The following XKR4 variants were observed in gnomAD, a reference collection of about 807,000 sequenced individuals.
XKR4 encodes XK-related protein 4.
A neutral mutation model predicts 53.9 loss-of-function variants in XKR4; 12 were observed. The observed-to-expected ratio is 0.22, with a 90% CI of 0.14 to 0.36. XKR4 has a LOEUF of 0.36. Among genes scored for constraint, XKR4 ranks in the 10% least tolerant of loss-of-function variants. The probability of loss-of-function intolerance (pLI) is 1.00; values close to 1 mark genes in which losing one functional copy is unlikely to be tolerated. For missense variants in XKR4, 799 were observed against 859.5 expected (o/e 0.93, Z 0.88); for synonymous variants, 354 against 362.4 (o/e 0.98, Z 0.26).
chr8:55,128,015 A>G (rs1383117955), intron 1 of XKR4, among the ~76,000 whole-genome samples: 1 of 152,040 alleles, frequency 6.6e-6, no homozygotes, highest in African/African-American at 2.4e-5. Flanking sequence ...AGTCTTTGCT[A>G]TTGTGAATAG....
chr8:55,482,153 C>A (rs1453754503), intron 2 of XKR4, among the ~76,000 whole-genome samples: 1 of 152,070 alleles, frequency 6.6e-6, no homozygotes. Flanking sequence ...ACCCAAATGT[C>A]CAACAATGAT....
At chr8:55,297,319 T>C (rs1292482808) in intron 1 of XKR4, among the ~76,000 whole-genome samples, 1 of 152,218 alleles carries the variant, frequency 6.6e-6, no homozygotes, top group African/African-American at 2.4e-5. Context: ...GAGGTTAAAT[T>C]TGGCGATCAA....
intron 2 of XKR4, among the ~76,000 whole-genome samples, chr8:55,471,791 C>A (rs549495416): frequency 1.3e-5 from 2 of 152,078 alleles, no homozygotes; most frequent in East Asian, 3.9e-4. Flanking sequence ...TCCCCACCCC[C>A]TCTTGCTCCT....
chr8:55,183,118 G>T (rs1241097210), intron 1 of XKR4, among the ~76,000 whole-genome samples: 1 of 151,862 alleles, frequency 6.6e-6, no homozygotes, highest in East Asian at 1.9e-4. Flanking sequence ...TTATCCCCAA[G>T]ATTAGTAATT....
At chr8:55,377,741 C>T (rs1471785110) in intron 2 of XKR4, among the ~76,000 whole-genome samples, 2 of 152,192 alleles carry the variant, frequency 1.3e-5, no homozygotes, top group Non-Finnish European at 2.9e-5. Flanking sequence ...GATGTTCCCT[C>T]CCTTGCTACT....
chr8:55,357,763 G>A lies in XKR4; in HGVS notation c.892G>A (p.Glu298Lys), dbSNP rs1803840803. 6.2e-7 allele frequency: 1 copy of A among 1,614,208 alleles called. No individual in the cohort carries two copies. ...GAGGTTTTACTGGAAAATGGTATATGAGTATGCGGATGTGAGTATGCTGCA... is the reference window on the plus strand; with the variant it reads ...GAGGTTTTACTGGAAAATGGTATATAAGTATGCGGATGTGAGTATGCTGCA... ...RWRFYWKMVYEYADVSMLHLL... is the reference protein window; with the variant it reads ...RWRFYWKMVYKYADVSMLHLL... The change falls in exon 2 of 3, where the codon GAG (glutamate) becomes AAG (lysine). Residue 298 changes from glutamate to lysine, a missense_variant. By Grantham distance (56) the Glu-to-Lys change is moderately conservative. Around this residue, in one of 3 missense-constraint regions of XKR4, gnomAD observed 476 missense variants for 505.4 expected, o/e 0.94. Transcript: ENST00000327381.
chr8:55,277,439 T>G (rs1341773492), intron 1 of XKR4, among the ~76,000 whole-genome samples: 1 of 152,348 alleles, frequency 6.6e-6, no homozygotes. Flanking sequence ...TTTCAGATTT[T>G]GGGATATTTC....
intron 1 of XKR4, among the ~76,000 whole-genome samples, chr8:55,271,086 TC>T (rs1300375706): frequency 6.6e-6 from 1 of 151,834 alleles, no homozygotes; most frequent in African/African-American, 2.4e-5. Flanking sequence ...CCTCCAGACT[TC>T]CCCTTTTTTT....
chr8:55,398,844 C>T (rs1804559867), intron 2 of XKR4, among the ~76,000 whole-genome samples: 1 of 152,138 alleles, frequency 6.6e-6, no homozygotes, highest in Admixed American at 6.5e-5. Context: ...TGACCGTTTC[C>T]CTGGAGAGTT....
intron 1 of XKR4, among the ~76,000 whole-genome samples, chr8:55,103,877 A>C: frequency 7.2e-6 from 1 of 138,576 alleles, no homozygotes; most frequent in Non-Finnish European, 1.5e-5. Context: ...ATATATATAT[A>C]TATATATATA....
chr8:55,296,893 A>T (rs553679480), intron 1 of XKR4, among the ~76,000 whole-genome samples: 6 of 152,216 alleles, frequency 3.9e-5, no homozygotes, highest in Admixed American at 3.9e-4. Context: ...TATATTATAC[A>T]AGAAAGAATA....
intron 2 of XKR4, among the ~76,000 whole-genome samples, chr8:55,367,047 A>G (rs926118827): frequency 6.6e-6 from 1 of 152,164 alleles, no homozygotes; most frequent in Non-Finnish European, 1.5e-5. Context: ...TGTAACATAG[A>G]TACAGAAAAG....
chr8:55,462,115 T>C (rs1283703661), intron 2 of XKR4, among the ~76,000 whole-genome samples: 1 of 151,964 alleles, frequency 6.6e-6, no homozygotes, highest in Non-Finnish European at 1.5e-5. Flanking sequence ...ATTCAGAAAA[T>C]ACAGAGAATG....
At chr8:55,454,336 G>A (rs1805518245) in intron 2 of XKR4, 1 of 1,505,260 alleles carries the variant, frequency 6.6e-7, no homozygotes, top group African/African-American at 1.4e-5. Flanking sequence ...GTGTGCTGAG[G>A]GCCTCCAGCA....
At chr8:55,330,893 A>T (rs1348523337) in intron 1 of XKR4, among the ~76,000 whole-genome samples, 1 of 152,166 alleles carries the variant, frequency 6.6e-6, no homozygotes. Flanking sequence ...TGCATTTTGT[A>T]CAAGTTGTGA....
intron 1 of XKR4, among the ~76,000 whole-genome samples, chr8:55,217,149 G>C (rs1817813004): frequency 6.7e-6 from 1 of 150,034 alleles, no homozygotes; most frequent in African/African-American, 2.5e-5. Context: ...GGCTGAGCCA[G>C]GAGAATGGCA....
At chr8:55,393,872 T>C (rs1318256786) in intron 2 of XKR4, among the ~76,000 whole-genome samples, 1 of 152,174 alleles carries the variant, frequency 6.6e-6, no homozygotes, top group Non-Finnish European at 1.5e-5. Flanking sequence ...AATTTTCTCT[T>C]CTTTCAAAAA....
intron 1 of XKR4, among the ~76,000 whole-genome samples, chr8:55,323,816 T>C (rs1325463993): frequency 6.6e-6 from 1 of 152,226 alleles, no homozygotes; most frequent in Non-Finnish European, 1.5e-5. Context: ...GTTCTTCACA[T>C]TGGATCATTT....
chr8:55,505,307 A>T (rs894361395), intron 2 of XKR4, among the ~76,000 whole-genome samples: 14 of 151,874 alleles, frequency 9.2e-5, no homozygotes, highest in Non-Finnish European at 1.6e-4. Flanking sequence ...TTCCCTTGTG[A>T]TTTCTTCTTT....
Sources: gnomAD v4.1 joint callset for allele counts (sites outside exome capture counted in the v4.1 genomes callset) on GRCh38, gnomAD v4.1.1 for gene constraint, gnomAD v4.1.1 regional missense constraint, MANE v1.5 for transcripts, NCBI Gene and HGNC (gene_info 2026-07-23, HGNC 2026-07-21) for gene names.